RRP8: variants seen among roughly 807,000 people sequenced by gnomAD.
RRP8 encodes the protein ribosomal RNA processing 8, also known as ribosomal RNA-processing protein 8.
Under a neutral mutation model 45.0 loss-of-function variants are expected in RRP8, and 48 were observed. That is an observed-to-expected ratio of 1.07 (90% confidence interval 0.85 to 1.36). The LOEUF (loss-of-function observed/expected upper bound fraction) is 1.36. RRP8 is among the 40% of genes most tolerant of loss of function. RRP8 has a pLI of 0.00. For synonymous variants in RRP8, 274 were observed against 212.4 expected (o/e 1.29, Z -2.52); for missense variants, 658 against 573.7 (o/e 1.15, Z -1.50).
Position 6,600,154 on chromosome 11 carries a change from G to A in RRP8, c.1363C>T (p.Arg455Cys), listed in dbSNP as rs554486854. 14 of 1,587,404 alleles carry A rather than the reference G, an allele frequency of 8.8e-6. No individual in the cohort carries two copies. Among genetic ancestry groups the A allele is most frequent in the South Asian group, 2.3e-5 (2 of 87,466 alleles). Residue 455 changes from arginine (R) to cysteine (C), a missense_variant, in exon 7 of 7, where the codon CGC becomes TGC. Coordinates refer to ENST00000254605, the MANE Select transcript of RRP8 (RefSeq NM_015324.4). ...GLQLQPCLYK[R>C]R ...CAAGGAAGATCCAGAGGTCACCTGC[G>A]CTTGTAGAGACATGGCTGAAGCTGC...
rs748951967 is a variant in RRP8 at position 6,597,246 on chromosome 11, C to T, written c.*2900G>A. On this transcript the variant is annotated 3_prime_UTR_variant, in exon 7 of 7. Coordinates refer to ENST00000254605, the MANE Select transcript of RRP8 (RefSeq NM_015324.4). ...CTAATCACTGCTGATTGCTCTGGGCCCAAGTGATGAGGAGAGGTAAACAGA... is the reference window on the plus strand; with the variant it reads ...CTAATCACTGCTGATTGCTCTGGGCTCAAGTGATGAGGAGAGGTAAACAGA... 2.0e-5 allele frequency: 3 copies of T among 152,124 alleles called. No homozygotes were observed. The highest frequency in any genetic ancestry group is 2.9e-5 in the Non-Finnish European group (2 of 68,050). The allele number at this position is 152,124 out of a possible 1,614,324, so 9.4% of individuals were successfully genotyped here. A position where few individuals can be genotyped will look rare whatever the true frequency, so the allele number is the denominator to read the frequency against.
chr11:6,601,763 G>A, intron 2 of RRP8, 89 bp downstream of exon 2: 1 of 1,491,830 alleles, frequency 6.7e-7, no homozygotes, highest in Non-Finnish European at 8.9e-7. Flanking sequence ...CAATCCTAAT[G>A]GCAGTGGATA....
In RRP8 at chr11:6,601,331, C is replaced by G; in HGVS notation, c.735G>C (p.Arg245=). ...GGTAGCGAAATCGGGCCCCATCCAGCCGCTGTGCCATGCGGGCTCGCAAAG... is the reference window on the plus strand; with the variant it reads ...GGTAGCGAAATCGGGCCCCATCCAGGCGCTGTGCCATGCGGGCTCGCAAAG... ...AGALRARMAQ[R]LDGARFRYLN... Residue 245 remains arginine (R), a synonymous_variant, in exon 3 of 7, where the codon CGG becomes CGC. Transcript: ENST00000254605. 1 of 1,613,910 alleles carries G rather than the reference C, an allele frequency of 6.2e-7. No homozygotes were observed. The highest frequency in any genetic ancestry group is 8.5e-7 in the Non-Finnish European group (1 of 1,179,930).
At position 6,595,975 on chromosome 11, in the gene RRP8, CAT is replaced by C; in HGVS notation, c.*4169_*4170del. 6.6e-6 allele frequency: 1 copy of C among 152,330 alleles called. No individual in the cohort carries two copies. The highest frequency in any genetic ancestry group is 1.5e-5 in the Non-Finnish European group (1 of 68,030). 9.4% of individuals were successfully genotyped at this position (152,330 alleles called of 1,614,324 possible). A position where few individuals can be genotyped will look rare whatever the true frequency, so the allele number is the denominator to read the frequency against. On this transcript the variant is annotated 3_prime_UTR_variant, in exon 7 of 7. Coordinates refer to ENST00000254605, the MANE Select transcript of RRP8 (RefSeq NM_015324.4). Reference sequence around the variant, plus strand: ...TGCTATGACTCCATCACCGTCAAAACATGTGCTTCAAGGTTACCTTGAAGAGG... The same window carrying C: ...TGCTATGACTCCATCACCGTCAAAACGTGCTTCAAGGTTACCTTGAAGAGG...
At position 6,596,139 on chromosome 11, in the gene RRP8, G is replaced by A. The variant is rs1386657886; in HGVS notation, c.*4007C>T. On this transcript the variant is annotated 3_prime_UTR_variant, in exon 7 of 7. Transcript: ENST00000254605. ...TAGATGCATGGAGCTGGGAAATGCA[G>A]TTTACCTGTGTCCAGAAAGAGGACA... The A allele has an allele frequency of 6.6e-6, 1 of 152,226 alleles. No individual in the cohort carries two copies. Among genetic ancestry groups the A allele is most frequent in the African/African-American group, 2.4e-5 (1 of 41,452 alleles). The allele number at this position is 152,226 out of a possible 1,614,324, so 9.4% of individuals were successfully genotyped here. A position where few individuals can be genotyped will look rare whatever the true frequency, so the allele number is the denominator to read the frequency against.
chr11:6,602,805 A>G (rs1854457637), intron 1 of RRP8, among the ~76,000 whole-genome samples: 1 of 152,190 alleles, frequency 6.6e-6, no homozygotes, highest in Non-Finnish European at 1.5e-5. Context: ...ACATCTGCAG[A>G]GGCTCAAAGG....
Position 6,600,798 on chromosome 11 carries a change from A to G in RRP8, c.1048-23T>C, listed in dbSNP as rs1313182278. 3.1e-6 allele frequency: 5 copies of G among 1,610,626 alleles called. No homozygotes were observed. The South Asian group carries it at 3.3e-5, about 11-fold the overall frequency. On this transcript the variant is annotated intron_variant, in intron 4 of 6. Coordinates refer to ENST00000254605, the MANE Select transcript of RRP8 (RefSeq NM_015324.4). ...AACCTGTGGAGAGTGAGAGTGTTGTATAAGGCACACAGTGCAGAAGAAGAA... is the reference window on the plus strand; with the variant it reads ...AACCTGTGGAGAGTGAGAGTGTTGTGTAAGGCACACAGTGCAGAAGAAGAA...
At chr11:6,601,697 T>A in intron 2 of RRP8, 95 bp from the exon 3 acceptor site, 2 of 1,494,852 alleles carry the variant, frequency 1.3e-6, no homozygotes, top group Non-Finnish European at 1.8e-6. Context: ...GTCTTTGAGA[T>A]CGTGACTGTG....
At position 6,596,447 on chromosome 11, in the gene RRP8, G is replaced by A. The variant is rs1159063861; in HGVS notation, c.*3699C>T. 2.0e-5 allele frequency: 3 copies of A among 152,364 alleles called. No homozygotes were observed. The highest frequency in any genetic ancestry group is 7.2e-5 in the African/African-American group (3 of 41,458). The allele number at this position is 152,364 out of a possible 1,614,324, so 9.4% of individuals were successfully genotyped here. A position where few individuals can be genotyped will look rare whatever the true frequency, so the allele number is the denominator to read the frequency against. On this transcript the variant is annotated 3_prime_UTR_variant, in exon 7 of 7. Coordinates refer to ENST00000254605, the MANE Select transcript of RRP8 (RefSeq NM_015324.4). ...CCTGAAAAGTTTGTCTTTTGTTCTC[G>A]AGGCAGTGAGAATCCATTGAAGGAT...
chr11:6,601,008 A>T lies in RRP8; in HGVS notation c.965T>A (p.Leu322Ter). ...VADFGCGDCR[L>*]ASSIRNPVHC... Reference sequence around the variant, plus strand: ...CACAGGGTTCCGGATACTTGAAGCCAAGCGGCAATCCCCACAGCCGAAGTC... The same window carrying T: ...CACAGGGTTCCGGATACTTGAAGCCTAGCGGCAATCCCCACAGCCGAAGTC... Residue 322 changes from leucine to a stop codon, truncating the protein, a stop_gained, in exon 4 of 7, where the codon TTG becomes TAG. Coordinates refer to ENST00000254605, the MANE Select transcript of RRP8 (RefSeq NM_015324.4). LOFTEE classifies it high-confidence loss of function. 6.2e-7 allele frequency: 1 copy of T among 1,614,228 alleles called. No individual in the cohort carries two copies. Among genetic ancestry groups the T allele is most frequent in the Non-Finnish European group, 8.5e-7 (1 of 1,180,036 alleles).
In RRP8 at chr11:6,601,137, AC is replaced by A. The variant is rs1164607201; in HGVS notation, c.917+11del. 1.9e-6 allele frequency: 3 copies of A among 1,613,482 alleles called. No individual in the cohort carries two copies. The highest frequency in any genetic ancestry group is 2.2e-5 in the East Asian group (1 of 44,878). On this transcript the variant is annotated intron_variant, in intron 3 of 6. Coordinates refer to ENST00000254605, the MANE Select transcript of RRP8 (RefSeq NM_015324.4). Reference sequence around the variant, plus strand: ...ACCACATGGCTTCTCACAGTCCCTGACCCCCATTCACCGCTGGCGAAGATCC... The same window carrying A: ...ACCACATGGCTTCTCACAGTCCCTGACCCCATTCACCGCTGGCGAAGATCC...
chr11:6,601,165 T>C lies in RRP8; in HGVS notation c.901A>G (p.Arg301Gly), dbSNP rs1854343546. 2.0e-5 allele frequency: 33 copies of C among 1,613,960 alleles called. No homozygotes were observed. The highest frequency in any genetic ancestry group is 2.8e-5 in the Non-Finnish European group (33 of 1,179,940). The stretch of plus-strand genomic sequence containing the variant: ...CCCATTCACCGCTGGCGAAGATCCC[T>C]GGCGATGCGGTCCACTGGCTGCAGT... ...WPLQPVDRIA[R>G]DLRQRPASLV... Residue 301 changes from arginine to glycine, a missense_variant, in exon 3 of 7, where the codon AGG becomes GGG. Coordinates refer to ENST00000254605, the MANE Select transcript of RRP8 (RefSeq NM_015324.4).
At position 6,603,547 on chromosome 11, in the gene RRP8, G is replaced by T; in HGVS notation, c.-45C>A. 3.9e-6 allele frequency: 5 copies of T among 1,276,978 alleles called. No individual in the cohort carries two copies. Among genetic ancestry groups the T allele is most frequent in the Non-Finnish European group, 5.4e-6 (5 of 917,478 alleles). 79.1% of individuals were successfully genotyped at this position (1,276,978 alleles called of 1,614,324 possible). On this transcript the variant is annotated 5_prime_UTR_variant, in exon 1 of 7. Coordinates refer to ENST00000254605, the MANE Select transcript of RRP8 (RefSeq NM_015324.4). ...TCGCCGAGTCCCCGCTCTTCTCCAC[G>T]TGCACAGCGCTCCTCTGGAAGTCGG...
chr11:6,602,388 C>T, intron 1 of RRP8, 173 bp from the exon 2 acceptor site: 1 of 667,734 alleles, frequency 1.5e-6, no homozygotes, highest in Non-Finnish European at 2.3e-6. Flanking sequence ...TTCTGGGAAG[C>T]TGGAGAGCAG....
chr11:6,601,815 C>T (rs778929798), intron 2 of RRP8, 37 bp downstream of exon 2: 2 of 1,555,608 alleles, frequency 1.3e-6, no homozygotes, highest in African/African-American at 2.7e-5. Flanking sequence ...CCGACACACA[C>T]ACACCAACAC....
At position 6,600,667 on chromosome 11, in the gene RRP8, A is replaced by C; in HGVS notation, c.1154+2T>G. 6.2e-7 allele frequency: 1 copy of C among 1,613,406 alleles called. No individual in the cohort carries two copies. On this transcript the variant is annotated splice_donor_variant, in intron 5 of 6. Transcript: ENST00000254605. LOFTEE classifies it high-confidence loss of function. The stretch of plus-strand genomic sequence containing the variant: ...ATGCATCTGTGTCCTGGGGGCTCTT[A>C]CCCTGGCTTCAGTACTCTATTTGCC...
intron 2 of RRP8, 60 bp downstream of exon 2, chr11:6,601,792 A>C: frequency 6.6e-7 from 1 of 1,519,360 alleles, no homozygotes; most frequent in Non-Finnish European, 8.8e-7. Flanking sequence ...TGTATGTAGA[A>C]CCAGCTGACC....
In RRP8 at chr11:6,602,212, A is replaced by G; in HGVS notation, c.103T>C (p.Ser35Pro). ...PPAASSQNKG[S>P]KRRQLLATLR... Reference sequence around the variant, plus strand: ...GTGGCCAAGAGCTGGCGGCGCTTGGAGCCCTGGAGGAAAACAGGGGATGAC... The same window carrying G: ...GTGGCCAAGAGCTGGCGGCGCTTGGGGCCCTGGAGGAAAACAGGGGATGAC... Residue 35 changes from serine (S) to proline (P), a missense_variant, in exon 2 of 7, where the codon TCC becomes CCC. Coordinates refer to ENST00000254605, the MANE Select transcript of RRP8 (RefSeq NM_015324.4). 2 of 1,547,732 alleles carry G rather than the reference A, an allele frequency of 1.3e-6. No homozygotes were observed. The highest frequency in any genetic ancestry group is 1.7e-6 in the Non-Finnish European group (2 of 1,151,834).
In RRP8 at chr11:6,598,370, A is replaced by G. The variant is rs1048784619; in HGVS notation, c.*1776T>C. ...GTTCTCATCTATCCCACTCAACTGGACCCTGTCATTCCTTATCTCTCCCTA... is the reference window on the plus strand; with the variant it reads ...GTTCTCATCTATCCCACTCAACTGGGCCCTGTCATTCCTTATCTCTCCCTA... On this transcript the variant is annotated 3_prime_UTR_variant, in exon 7 of 7. Transcript: ENST00000254605. The G allele has an allele frequency of 4.6e-5, 7 of 152,214 alleles. No individual in the cohort carries two copies. Among genetic ancestry groups the G allele is most frequent in the African/African-American group, 1.7e-4 (7 of 41,418 alleles). The allele number at this position is 152,214 out of a possible 1,614,324, so 9.4% of individuals were successfully genotyped here. A position where few individuals can be genotyped will look rare whatever the true frequency, so the allele number is the denominator to read the frequency against.
Sources: gnomAD v4.1 joint callset for allele counts (sites outside exome capture counted in the v4.1 genomes callset) on GRCh38, gnomAD v4.1.1 for gene constraint, MANE v1.5 for transcripts, NCBI Gene and HGNC (gene_info 2026-07-23, HGNC 2026-07-21) for gene names.